The following SEMA4D variants were observed in gnomAD, a reference collection of about 807,000 sequenced individuals.
SEMA4D encodes semaphorin-4D.
Under a neutral mutation model 74.8 loss-of-function variants are expected in SEMA4D, and 22 were observed. The observed-to-expected ratio is 0.29, with a 90% CI of 0.21 to 0.42. SEMA4D has a LOEUF of 0.42. Among genes scored for constraint, SEMA4D ranks in the 10% least tolerant of loss-of-function variants. SEMA4D has a pLI of 1.00. For synonymous variants in SEMA4D, 445 were observed against 463.7 expected (o/e 0.96, Z 0.52); for missense variants, 937 against 1,118.4 (o/e 0.84, Z 2.31).
intron 2 of SEMA4D, among the ~76,000 whole-genome samples, chr9:89,422,116 G>A (rs868022274): frequency 6.6e-6 from 1 of 152,196 alleles, no homozygotes; most frequent in Admixed American, 6.5e-5. Context: ...AGGTTATAAC[G>A]CTGGTTAAAG....
intron 6 of SEMA4D, among the ~76,000 whole-genome samples, chr9:89,394,201 T>C (rs1840424273): frequency 6.6e-6 from 1 of 152,190 alleles, no homozygotes; most frequent in Admixed American, 6.5e-5. Flanking sequence ...GAGCAGGGGC[T>C]GGCGTTTCCA....
At chr9:89,414,133 C>G (rs540265078) in intron 2 of SEMA4D, among the ~76,000 whole-genome samples, 1 of 152,224 alleles carries the variant, frequency 6.6e-6, no homozygotes, top group Non-Finnish European at 1.5e-5. Context: ...GTCACTACCA[C>G]ATGGAAGGTG....
At chr9:89,485,728 C>T (rs1825131114) in intron 1 of SEMA4D, among the ~76,000 whole-genome samples, 2 of 132,346 alleles carry the variant, frequency 1.5e-5, no homozygotes, top group African/African-American at 2.9e-5. Context: ...GCAGAGGTTG[C>T]AGTGAGCCAA....
At chr9:89,471,700 GGGTGCACGCTGGCTCA>G (rs1310686922) in intron 1 of SEMA4D, among the ~76,000 whole-genome samples, 2 of 146,716 alleles carry the variant, frequency 1.4e-5, no homozygotes, top group Admixed American at 6.8e-5. Context: ...ATGCCAGATA[GGGTGCACGCTGGCTCA>G]GGTGCATACA....
rs117512766 is a variant in SEMA4D, at chr9:89,460,771, C to T, written c.-309-4818G>A. Among the ~76,000 whole-genome samples the T allele has an allele frequency of 1.4e-3, 213 of 152,336 alleles. 3 individuals are homozygous for T. In the East Asian group the frequency reaches 0.036, roughly 26 times the overall value. On this transcript the variant is annotated intron_variant, in intron 1 of 15. Transcript: ENST00000422704. ...CACAGACACGGGCATCCTACAGGCC[C>T]AGGAGAACCCATGCCCTCCAGCGTG... is the stretch of plus-strand genomic sequence containing the variant.
intron 1 of SEMA4D, among the ~76,000 whole-genome samples, chr9:89,458,686 C>T (rs1431744617): frequency 1.3e-5 from 2 of 152,100 alleles, no homozygotes; most frequent in Non-Finnish European, 2.9e-5. Context: ...CAGAGACACA[C>T]ATACATACAC....
In SEMA4D at chr9:89,450,837, T is replaced by C; in HGVS notation, c.-244+5051A>G. On this transcript the variant is annotated intron_variant, in intron 2 of 15. Coordinates refer to ENST00000422704, the MANE Select transcript of SEMA4D (RefSeq NM_001371194.2). ...TAGACTCTGTGAAGTGCAGTTCTTCTCCACCTAGGACTGCCAGCAGAGTGG... is the reference window on the plus strand; with the variant it reads ...TAGACTCTGTGAAGTGCAGTTCTTCCCCACCTAGGACTGCCAGCAGAGTGG... 3 of 654,742 alleles carry C rather than the reference T, an allele frequency of 4.6e-6. No homozygotes were observed. In the East Asian group the frequency reaches 7.8e-5, roughly 17 times the overall value. 40.6% of individuals were successfully genotyped at this position (654,742 alleles called of 1,614,324 possible).
downstream of SEMA4D, among the ~76,000 whole-genome samples, chr9:89,373,663 A>G (rs1261148395): frequency 2.0e-5 from 3 of 152,204 alleles, no homozygotes; most frequent in Non-Finnish European, 4.4e-5. Flanking sequence ...AGCTACCACG[A>G]AAACAGCCAT....
rs1423580642 is a variant in SEMA4D at position 89,418,058 on chromosome 9, G to C, written c.-243-12359C>G. 4 of 982,144 alleles carry C rather than the reference G, an allele frequency of 4.1e-6. No individual in the cohort carries two copies. In the South Asian group the frequency reaches 1.4e-4, roughly 35 times the overall value. The allele number at this position is 982,144 out of a possible 1,614,324, so 60.8% of individuals were successfully genotyped here. A position where few individuals can be genotyped will look rare whatever the true frequency, so the allele number is the denominator to read the frequency against. On this transcript the variant is annotated intron_variant, in intron 2 of 15. Coordinates refer to ENST00000422704, the MANE Select transcript of SEMA4D (RefSeq NM_001371194.2). ...GATCATGAATAAAGTGGTTTTACCT[G>C]TATCTTATGCCTCTTGAAACTTTCC...
At chr9:89,469,048 C>A (rs890520316) in intron 1 of SEMA4D, among the ~76,000 whole-genome samples, 1 of 152,146 alleles carries the variant, frequency 6.6e-6, no homozygotes, top group Non-Finnish European at 1.5e-5. Context: ...AAACACTAGC[C>A]CTGAGGTCCT....
At chr9:89,368,705 C>G (rs546575733) in intron 16 of SEMA4D, 1 of 152,362 alleles carries the variant, frequency 6.6e-6, no homozygotes, top group African/African-American at 2.4e-5. Flanking sequence ...CGCAGCCTAA[C>G]GTTTCACTCT....
intron 1 of SEMA4D, among the ~76,000 whole-genome samples, chr9:89,467,461 C>T (rs950175405): frequency 7.6e-6 from 1 of 131,688 alleles, no homozygotes; most frequent in East Asian, 2.2e-4. Flanking sequence ...ACCTGAACTT[C>T]TTACAGGAAA....
chr9:89,437,982 G>GGAA (rs1850826277), intron 2 of SEMA4D, among the ~76,000 whole-genome samples: 2 of 152,206 alleles, frequency 1.3e-5, no homozygotes, highest in African/African-American at 4.8e-5. Context: ...CCTTCTCGCT[G>GGAA]GAAGATTTCT....
rs150990736 is a variant in SEMA4D, at chr9:89,405,376, T to C, written c.81A>G (p.Ile27Met). ...CTCTGTGCTCCCAGGTGATCCGGGGTATGGGTGCAAATGCCATCGCTGTCC... is the reference window on the plus strand; with the variant it reads ...CTCTGTGCTCCCAGGTGATCCGGGGCATGGGTGCAAATGCCATCGCTGTCC... ...MFGTAMAFAP[I>M]PRITWEHREV... The change falls in exon 3 of 16, where the codon ATA becomes ATG. Residue 27 changes from isoleucine to methionine, a missense_variant. Coordinates refer to ENST00000422704, the MANE Select transcript of SEMA4D (RefSeq NM_001371194.2). 1.2e-3 allele frequency: 1,899 copies of C among 1,614,018 alleles called. 4 individuals are homozygous for C. Among genetic ancestry groups the C allele is most frequent in the Non-Finnish European group, 1.4e-3 (1,699 of 1,179,936 alleles).
chr9:89,373,766 A>C (rs530505031), downstream of SEMA4D, among the ~76,000 whole-genome samples: 1 of 152,274 alleles, frequency 6.6e-6, no homozygotes, highest in East Asian at 1.9e-4. Context: ...CTGTGCCTTG[A>C]GTGCACTGTA....
chr9:89,466,980 G>A (rs1277296718), intron 1 of SEMA4D, among the ~76,000 whole-genome samples: 1 of 152,224 alleles, frequency 6.6e-6, no homozygotes, highest in African/African-American at 2.4e-5. Context: ...AGCAACCAGA[G>A]CAGAAACGAA....
intron 1 of SEMA4D, among the ~76,000 whole-genome samples, chr9:89,465,461 TG>T (rs34759545): frequency 0.17 from 26,100 of 152,114 alleles, 2,955 homozygotes; most frequent in Non-Finnish European, 0.25. Flanking sequence ...TGGAGTTGGC[TG>T]GGGGAATGGG....
At chr9:89,385,450 C>T (rs1243028207) in intron 13 of SEMA4D, 6 of 985,274 alleles carry the variant, frequency 6.1e-6, no homozygotes, top group Non-Finnish European at 6.0e-6. Flanking sequence ...GTGGCTAAAG[C>T]GTCGACCCTT....
chr9:89,484,203 G>A lies in SEMA4D; in HGVS notation c.-310+13716C>T, dbSNP rs10116171. ...GCTGCATCTGGGAGAGGCAAGCGAG[G>A]GGCCGGCCAGCTTCACTGCCTGCAT... On this transcript the variant is annotated intron_variant, in intron 1 of 15. Transcript: ENST00000422704. The surrounding 1 kb of genome is among the most constrained non-coding windows in gnomAD (Gnocchi z 4.1). 0.033 allele frequency among the ~76,000 whole-genome samples: 4,995 copies of A among 152,330 alleles called. 302 individuals carry two copies. The highest frequency in any genetic ancestry group is 0.11 in the African/African-American group (4,736 of 41,550).
Sources: allele counts gnomAD v4.1 joint callset (sites outside exome capture counted in the v4.1 genomes callset), GRCh38; gene constraint gnomAD v4.1.1; non-coding constraint Gnocchi (gnomAD v3.1); transcripts MANE v1.5; gene names NCBI Gene and HGNC (gene_info 2026-07-23, HGNC 2026-07-21).